XKR9: variants seen among roughly 807,000 people sequenced by gnomAD.
The protein encoded by XKR9 is XK-related protein 9.
Under a neutral mutation model 32.0 loss-of-function variants are expected in XKR9, and 32 were observed. That is an observed-to-expected ratio of 1.00 (90% CI 0.76 to 1.34). The LOEUF (loss-of-function observed/expected upper bound fraction) is 1.34, where lower values mean the gene tolerates loss of function less well. Ranked by LOEUF, XKR9 falls within the 40% of genes most tolerant of loss-of-function variation. XKR9 has a pLI of 0.00. For synonymous variants in XKR9, 168 were observed against 143.4 expected (o/e 1.17, Z -1.22); for missense variants, 546 against 429.7 (o/e 1.27, Z -2.39).
At chr8:71,001,076 C>T in the XKR9 span, among the ~76,000 whole-genome samples, 1 of 152,220 alleles carries the variant, frequency 6.6e-6, no homozygotes, top group South Asian at 2.1e-4. Context: ...CCATAGTCTT[C>T]TCACAAGGTG....
chr8:70,782,822 C>T (rs529467317), intron 2 of XKR9, among the ~76,000 whole-genome samples: 7 of 152,248 alleles, frequency 4.6e-5, no homozygotes, highest in Non-Finnish European at 8.8e-5. Context: ...ATTTGTTCAT[C>T]TGTTGATGGA....
chr8:70,840,216 A>G, the XKR9 span, among the ~76,000 whole-genome samples: 1 of 152,104 alleles, frequency 6.6e-6, no homozygotes, highest in South Asian at 2.1e-4. Flanking sequence ...ATAACTCTGG[A>G]CTCTTGCTTA....
the XKR9 span, among the ~76,000 whole-genome samples, chr8:70,813,885 C>T: frequency 2.2e-4 from 34 of 152,242 alleles, no homozygotes; most frequent in South Asian, 1.9e-3. Flanking sequence ...GTCAGTGTGG[C>T]GATTCCTCAG....
the XKR9 span, among the ~76,000 whole-genome samples, chr8:71,049,156 A>T: frequency 6.6e-6 from 1 of 152,228 alleles, no homozygotes; most frequent in South Asian, 2.1e-4. Flanking sequence ...TTCAAGCCAA[A>T]GATCTTCATT....
chr8:70,848,226 T>C, the XKR9 span, among the ~76,000 whole-genome samples: 1 of 152,014 alleles, frequency 6.6e-6, no homozygotes, highest in Non-Finnish European at 1.5e-5. Flanking sequence ...ATATGATTAA[T>C]TCAACAGATA....
At chr8:70,724,078 C>T (rs1158243074) in intron 4 of XKR9, among the ~76,000 whole-genome samples, 1 of 152,044 alleles carries the variant, frequency 6.6e-6, no homozygotes, top group Non-Finnish European at 1.5e-5. Context: ...TCGGAGATGC[C>T]CTGCCCAGTG....
At chr8:70,741,607 A>T (rs1806984229) in intron 2 of XKR9, among the ~76,000 whole-genome samples, 1 of 152,174 alleles carries the variant, frequency 6.6e-6, no homozygotes, top group African/African-American at 2.4e-5. Context: ...TCCATTTTAT[A>T]TGTATGCCAC....
chr8:70,974,412 G>A, the XKR9 span, among the ~76,000 whole-genome samples: 4 of 151,970 alleles, frequency 2.6e-5, no homozygotes, highest in African/African-American at 7.3e-5. Flanking sequence ...CCCATGACAG[G>A]CCCCGGTGTT....
At chr8:70,951,869 G>GGA in the XKR9 span, among the ~76,000 whole-genome samples, 3 of 100,532 alleles carry the variant, frequency 3.0e-5, no homozygotes, top group African/African-American at 8.8e-5. Flanking sequence ...AGCATCATTG[G>GGA]GGGGGGGGTG....
At chr8:71,042,862 A>G in the XKR9 span, among the ~76,000 whole-genome samples, 1 of 152,182 alleles carries the variant, frequency 6.6e-6, no homozygotes, top group African/African-American at 2.4e-5. Context: ...CCTGGTGGTT[A>G]TGCCGTTGCT....
At chr8:70,701,767 G>A (rs1336988478) in intron 3 of XKR9, among the ~76,000 whole-genome samples, 2 of 152,092 alleles carry the variant, frequency 1.3e-5, no homozygotes, top group South Asian at 2.1e-4. Flanking sequence ...TTATTTATTA[G>A]GTATGTGTGC....
At chr8:70,950,226 A>G in the XKR9 span, among the ~76,000 whole-genome samples, 1 of 152,198 alleles carries the variant, frequency 6.6e-6, no homozygotes, top group East Asian at 1.9e-4. Context: ...TGGTGGGGGA[A>G]GACAGACAAT....
At chr8:70,891,208 G>A in the XKR9 span, among the ~76,000 whole-genome samples, 1 of 151,158 alleles carries the variant, frequency 6.6e-6, no homozygotes. Flanking sequence ...TCTAGTGAAA[G>A]GTTTCATGCT....
the XKR9 span, among the ~76,000 whole-genome samples, chr8:71,057,170 C>T: frequency 6.6e-6 from 1 of 152,150 alleles, no homozygotes; most frequent in Non-Finnish European, 1.5e-5. Flanking sequence ...TGTGGGAAAA[C>T]TTCACACAAC....
At chr8:70,712,442 G>C (rs1331359716) in intron 4 of XKR9, among the ~76,000 whole-genome samples, 1 of 152,028 alleles carries the variant, frequency 6.6e-6, no homozygotes, top group Non-Finnish European at 1.5e-5. Flanking sequence ...CAAGTTTGAT[G>C]ACTTTTCAGG....
the XKR9 span, among the ~76,000 whole-genome samples, chr8:70,967,036 T>C: frequency 6.6e-6 from 1 of 150,412 alleles, no homozygotes; most frequent in Non-Finnish European, 1.5e-5. Context: ...ATGGGTTGCC[T>C]GAAGACAGCA....
At chr8:71,045,582 A>G in the XKR9 span, among the ~76,000 whole-genome samples, 1 of 152,086 alleles carries the variant, frequency 6.6e-6, no homozygotes. Context: ...TGGCCCGGGG[A>G]GAAGAGGATG....
At chr8:70,922,931 G>A in the XKR9 span, among the ~76,000 whole-genome samples, 13 of 152,346 alleles carry the variant, frequency 8.5e-5, no homozygotes, top group South Asian at 2.1e-4. Flanking sequence ...TGATGCTGCC[G>A]ACGGGGCTCA....
intron 2 of XKR9, among the ~76,000 whole-genome samples, chr8:70,774,612 T>G (rs1456778132): frequency 6.6e-6 from 1 of 152,168 alleles, no homozygotes. Context: ...TTAGTTTCAC[T>G]TTTTCCCATA....
Sources: allele counts gnomAD v4.1 joint callset (sites outside exome capture counted in the v4.1 genomes callset), GRCh38; gene constraint gnomAD v4.1.1; transcripts MANE v1.5; gene names NCBI Gene and HGNC (gene_info 2026-07-23, HGNC 2026-07-21).